The following CALD1 variants were observed in gnomAD, a reference collection of about 807,000 sequenced individuals.
CALD1 encodes caldesmon 1.
In CALD1, 33 loss-of-function variants were observed where a neutral mutation model predicts 99.9. The observed-to-expected ratio is 0.33, with a 90% CI of 0.25 to 0.44. CALD1 has a LOEUF of 0.44. CALD1 is among the 20% of genes least tolerant of loss of function. The probability of loss-of-function intolerance (pLI) is 1.00; values close to 1 mark genes in which losing one functional copy is unlikely to be tolerated. For missense variants in CALD1, 861 were observed against 962.1 expected (o/e 0.89, Z 1.39); for synonymous variants, 310 against 325.0 (o/e 0.95, Z 0.50).
the CALD1 span, among the ~76,000 whole-genome samples, chr7:134,720,734 A>G: frequency 6.6e-6 from 1 of 152,194 alleles, no homozygotes; most frequent in Non-Finnish European, 1.5e-5. Flanking sequence ...GTCAATAGGA[A>G]AACAACAGAG....
At chr7:134,950,670 C>A (rs977410277) in intron 9 of CALD1, among the ~76,000 whole-genome samples, 156 bp downstream of exon 9, 2 of 152,140 alleles carry the variant, frequency 1.3e-5, no homozygotes, top group Non-Finnish European at 2.9e-5. Context: ...ATACTTTAGA[C>A]TGGGGCCAGG....
chr7:134,873,913 G>T (rs1294710970), intron 3 of CALD1, among the ~76,000 whole-genome samples: 1 of 152,052 alleles, frequency 6.6e-6, no homozygotes, highest in Non-Finnish European at 1.5e-5. Context: ...TATTTAATTT[G>T]ATTCTCTACA....
chr7:134,950,288 C>CT, intron 8 of CALD1, 86 bp from the exon 9 acceptor site: 1 of 1,374,060 alleles, frequency 7.3e-7, no homozygotes, highest in Non-Finnish European at 1.0e-6. Context: ...TGCTGCCTCT[C>CT]CAACTGTGCT....
At chr7:134,751,109 T>A (rs945769924) in intron 1 of CALD1, among the ~76,000 whole-genome samples, 1 of 152,220 alleles carries the variant, frequency 6.6e-6, no homozygotes, top group African/African-American at 2.4e-5. Context: ...AGATTGCCCA[T>A]GTCCAAATCC....
chr7:134,850,225 G>T (rs1467664045), intron 2 of CALD1, among the ~76,000 whole-genome samples: 2 of 152,220 alleles, frequency 1.3e-5, no homozygotes, highest in African/African-American at 4.8e-5. Context: ...ACAGGAAACA[G>T]CTCCTAGTAA....
At chr7:134,735,607 G>A in the CALD1 span, among the ~76,000 whole-genome samples, 4 of 150,144 alleles carry the variant, frequency 2.7e-5, no homozygotes, top group South Asian at 6.3e-4. Flanking sequence ...GTGTGTGTGT[G>A]TGTAGCTCTC....
rs151082264 is a variant in CALD1 at position 134,786,183 on chromosome 7, G to A, written c.-130+6434G>A. On this transcript the variant is annotated intron_variant, in intron 1 of 14. Transcript: ENST00000361675. ...CTGGGAGGCCACAAAGTCATTGCAA[G>A]AGGTAAACAAATCTGTATATGCAGC... Among the ~76,000 whole-genome samples the A allele has an allele frequency of 2.6e-5, 4 of 152,320 alleles. No individual in the cohort carries two copies. In the East Asian group the frequency reaches 7.7e-4, roughly 29 times the overall value.
At chr7:134,768,900 C>A (rs1457249873) in intron 1 of CALD1, among the ~76,000 whole-genome samples, 1 of 152,062 alleles carries the variant, frequency 6.6e-6, no homozygotes, top group Non-Finnish European at 1.5e-5. Flanking sequence ...CTAGTCCATT[C>A]TCATATGCAT....
At chr7:134,718,576 C>A in the CALD1 span, among the ~76,000 whole-genome samples, 1 of 151,990 alleles carries the variant, frequency 6.6e-6, no homozygotes, top group Non-Finnish European at 1.5e-5. Flanking sequence ...GAGATGGGAG[C>A]AGAGACAAGT....
chr7:134,882,124 G>T (rs1801633307), intron 3 of CALD1, among the ~76,000 whole-genome samples: 1 of 152,140 alleles, frequency 6.6e-6, no homozygotes, highest in Non-Finnish European at 1.5e-5. Flanking sequence ...ATACAATGTT[G>T]AATGAACACT....
At chr7:134,806,963 C>A (rs1254738467) in intron 1 of CALD1, among the ~76,000 whole-genome samples, 1 of 152,028 alleles carries the variant, frequency 6.6e-6, no homozygotes. Flanking sequence ...CCAAATTTCA[C>A]CTATTTATTC....
chr7:134,735,519 C>T, the CALD1 span, among the ~76,000 whole-genome samples: 1 of 151,692 alleles, frequency 6.6e-6, no homozygotes, highest in Non-Finnish European at 1.5e-5. Flanking sequence ...GTTAAACACT[C>T]CTACAGGAAT....
chr7:134,957,966 T>C (rs1584675006), intron 9 of CALD1, 103 bp from the exon 10 acceptor site: 2 of 825,340 alleles, frequency 2.4e-6, no homozygotes, highest in East Asian at 4.9e-5. Context: ...TATATGCTCT[T>C]CGGTGTGTTT....
At chr7:134,889,486 G>A (rs1002289470) in intron 3 of CALD1, among the ~76,000 whole-genome samples, 7 of 152,100 alleles carry the variant, frequency 4.6e-5, no homozygotes, top group Non-Finnish European at 7.3e-5. Context: ...TCATCATATC[G>A]ACAAGGTCCC....
intron 1 of CALD1, among the ~76,000 whole-genome samples, chr7:134,824,737 C>T (rs1429838052): frequency 6.6e-6 from 1 of 152,098 alleles, no homozygotes; most frequent in African/African-American, 2.4e-5. Flanking sequence ...TTCCCAGTTC[C>T]CCCTCAATTG....
chr7:134,797,906 T>C (rs980792764), intron 1 of CALD1, among the ~76,000 whole-genome samples: 2 of 152,200 alleles, frequency 1.3e-5, no homozygotes, highest in African/African-American at 2.4e-5. Flanking sequence ...TGTTTATTTG[T>C]ATTGTTCTTT....
chr7:134,936,298 T>A (rs2133007014), intron 6 of CALD1, among the ~76,000 whole-genome samples: 1 of 152,310 alleles, frequency 6.6e-6, no homozygotes, highest in South Asian at 2.1e-4. Context: ...CTGCATTGCA[T>A]TTCTGAGGCA....
At chr7:134,811,694 A>T (rs888025002) in intron 1 of CALD1, among the ~76,000 whole-genome samples, 3 of 152,136 alleles carry the variant, frequency 2.0e-5, no homozygotes, top group African/African-American at 7.2e-5. Flanking sequence ...TGTGTCTTTA[A>T]TGGGCTATTT....
the CALD1 span, among the ~76,000 whole-genome samples, chr7:134,734,050 C>T: frequency 1.3e-5 from 2 of 151,878 alleles, no homozygotes; most frequent in African/African-American, 2.4e-5. Context: ...TAATATGCAG[C>T]AGTGACATTA....
Sources: allele counts gnomAD v4.1 joint callset (sites outside exome capture counted in the v4.1 genomes callset), GRCh38; gene constraint gnomAD v4.1.1; transcripts MANE v1.5; gene names NCBI Gene and HGNC (gene_info 2026-07-23, HGNC 2026-07-21).